Variants in PDE4D observed in about 807,000 individuals in gnomAD.
PDE4D encodes 3',5'-cyclic-AMP phosphodiesterase 4D.
PDE4D carries 24 observed loss-of-function variants against 87.4 expected under a neutral mutation model. The ratio of observed to expected loss-of-function variants is 0.27; its 90% CI spans 0.20 to 0.39. The LOEUF (loss-of-function observed/expected upper bound fraction) is 0.39. Ranked by LOEUF, PDE4D falls within the 10% of genes least tolerant of loss-of-function variation. The pLI is 1.00. For missense variants in PDE4D, 714 were observed against 1,041.0 expected (o/e 0.69, Z 4.32); for synonymous variants, 384 against 383.2 (o/e 1.00, Z -0.02).
intron 5 of PDE4D, among the ~76,000 whole-genome samples, chr5:59,141,637 C>T (rs1361201758): frequency 1.3e-5 from 2 of 152,126 alleles, no homozygotes; most frequent in Non-Finnish European, 2.9e-5. Flanking sequence ...TGAAACATCT[C>T]TTCTGTCAAA....
intron 1 of PDE4D, among the ~76,000 whole-genome samples, chr5:59,887,827 A>T (rs987128655): frequency 5.3e-5 from 8 of 152,128 alleles, no homozygotes; most frequent in Admixed American, 6.6e-5. Context: ...CCAATATTTG[A>T]ATATTCCACT....
intron 1 of PDE4D, among the ~76,000 whole-genome samples, chr5:59,555,035 T>G (rs1172977984): frequency 6.6e-6 from 1 of 152,052 alleles, no homozygotes; most frequent in Non-Finnish European, 1.5e-5. Context: ...AATTCTACCA[T>G]AAAGGCACAT....
chr5:59,588,949 T>A (rs1285071824), intron 1 of PDE4D, among the ~76,000 whole-genome samples: 11 of 152,238 alleles, frequency 7.2e-5, no homozygotes, highest in Non-Finnish European at 1.0e-4. Flanking sequence ...GTAATTAAAA[T>A]TTTGATATTA....
intron 5 of PDE4D, among the ~76,000 whole-genome samples, chr5:59,042,390 C>T (rs1286320196): frequency 2.0e-5 from 3 of 152,078 alleles, no homozygotes; most frequent in Admixed American, 1.3e-4. Context: ...GTCACCACAC[C>T]AAGCAACACA....
intron 1 of PDE4D, among the ~76,000 whole-genome samples, chr5:60,217,686 A>G (rs548538698): frequency 6.6e-6 from 1 of 152,008 alleles, no homozygotes; most frequent in Non-Finnish European, 1.5e-5. Context: ...ATCAGAATAC[A>G]TAAAGAACAA....
intron 1 of PDE4D, among the ~76,000 whole-genome samples, chr5:59,245,417 C>T (rs886779031): frequency 2.0e-5 from 3 of 151,990 alleles, no homozygotes; most frequent in South Asian, 2.1e-4. Context: ...TTCTGGGAGC[C>T]GTGTTAGGCT....
chr5:60,193,467 G>A (rs1785358847), intron 1 of PDE4D, among the ~76,000 whole-genome samples: 1 of 151,856 alleles, frequency 6.6e-6, no homozygotes, highest in Non-Finnish European at 1.5e-5. Flanking sequence ...TCAGGAGATC[G>A]AGACCATCCT....
At chr5:59,696,279 G>A (rs377095796) in intron 1 of PDE4D, among the ~76,000 whole-genome samples, 9 of 152,142 alleles carry the variant, frequency 5.9e-5, no homozygotes, top group African/African-American at 2.2e-4. Context: ...GAGTCTTAGT[G>A]TATAACTGCC....
At chr5:60,150,056 T>C (rs1781369166) in intron 2 of PDE4D, among the ~76,000 whole-genome samples, 1 of 147,798 alleles carries the variant, frequency 6.8e-6, no homozygotes, top group African/African-American at 2.5e-5. Flanking sequence ...TAATTCTATA[T>C]ACTAGTATAT....
At chr5:59,791,325 A>G (rs1309657542) in intron 1 of PDE4D, among the ~76,000 whole-genome samples, 1 of 152,250 alleles carries the variant, frequency 6.6e-6, no homozygotes, top group Non-Finnish European at 1.5e-5. Context: ...CTAAAAAGCT[A>G]TGAATATAAT....
At chr5:59,706,669 G>A (rs1753450279) in intron 1 of PDE4D, among the ~76,000 whole-genome samples, 1 of 152,112 alleles carries the variant, frequency 6.6e-6, no homozygotes, top group Non-Finnish European at 1.5e-5. Flanking sequence ...ATTCTAGAAT[G>A]TATCCTTTGC....
chr5:59,958,716 A>C (rs1356403402), intron 3 of PDE4D, among the ~76,000 whole-genome samples: 1 of 152,170 alleles, frequency 6.6e-6, no homozygotes, highest in East Asian at 1.9e-4. Flanking sequence ...GTCATCTATG[A>C]AAAACCCCAA....
chr5:60,371,409 A>G (rs1761018354), intron 1 of PDE4D, among the ~76,000 whole-genome samples: 1 of 152,122 alleles, frequency 6.6e-6, no homozygotes, highest in Non-Finnish European at 1.5e-5. Flanking sequence ...CCTTTACCCA[A>G]TATAATCGGA....
chr5:59,217,114 C>A, intron 1 of PDE4D: 1 of 442,630 alleles, frequency 2.3e-6, no homozygotes. Context: ...ACGTCATAGT[C>A]CTTATAATCT....
chr5:60,179,899 C>A (rs1429984444), intron 2 of PDE4D, among the ~76,000 whole-genome samples: 2 of 152,112 alleles, frequency 1.3e-5, no homozygotes, highest in African/African-American at 4.8e-5. Flanking sequence ...TTATGCTTTT[C>A]TTCAAAATTT....
intron 1 of PDE4D, among the ~76,000 whole-genome samples, chr5:60,332,458 A>G (rs979735606): frequency 6.6e-6 from 1 of 152,148 alleles, no homozygotes; most frequent in African/African-American, 2.4e-5. Flanking sequence ...TCTGTTTTTC[A>G]CATTAATTCA....
intron 1 of PDE4D, among the ~76,000 whole-genome samples, chr5:59,411,580 G>A (rs918451953): frequency 6.6e-5 from 10 of 152,122 alleles, no homozygotes; most frequent in African/African-American, 2.4e-4. Flanking sequence ...TTCTTACCAT[G>A]TGTTTACATG....
At chr5:59,928,560 A>G (rs1314813854) in intron 3 of PDE4D, among the ~76,000 whole-genome samples, 1 of 152,266 alleles carries the variant, frequency 6.6e-6, no homozygotes, top group East Asian at 1.9e-4. Context: ...CCTGGGCAAC[A>G]CAGTGAGACT....
At chr5:59,557,268 A>T (rs192008410) in intron 1 of PDE4D, among the ~76,000 whole-genome samples, 3 of 152,326 alleles carry the variant, frequency 2.0e-5, no homozygotes, top group Admixed American at 6.5e-5. Flanking sequence ...GCAATGTTGT[A>T]ACAACTATTG....
Sources: gnomAD v4.1 joint callset for allele counts (sites outside exome capture counted in the v4.1 genomes callset) on GRCh38, gnomAD v4.1.1 for gene constraint, MANE v1.5 for transcripts, NCBI Gene and HGNC (gene_info 2026-07-23, HGNC 2026-07-21) for gene names.